AP4E1: variants seen among roughly 807,000 people sequenced by gnomAD.
AP4E1 encodes the protein AP-4 complex subunit epsilon-1.
In AP4E1, 56 loss-of-function variants were observed where a neutral mutation model predicts 128.2. That is an observed-to-expected ratio of 0.44 (90% CI 0.35 to 0.55). The LOEUF is 0.55. Among genes scored for constraint, AP4E1 ranks in the 20% least tolerant of loss-of-function variants. The pLI, the probability that AP4E1 is intolerant of heterozygous loss-of-function variation, is 0.00. For synonymous variants in AP4E1, 484 were observed against 473.1 expected (o/e 1.02, Z -0.30); for missense variants, 1,324 against 1,307.7 (o/e 1.01, Z -0.19).
chr15:50,990,493 T>C (rs909557006), intron 16 of AP4E1, among the ~76,000 whole-genome samples: 4 of 151,684 alleles, frequency 2.6e-5, no homozygotes, highest in African/African-American at 7.3e-5. Context: ...CCTCAGACTT[T>C]GAATGTGGAG....
chr15:50,942,723 ACTTTTT>A (rs2064005110), intron 10 of AP4E1, among the ~76,000 whole-genome samples: 1 of 149,222 alleles, frequency 6.7e-6, no homozygotes, highest in Non-Finnish European at 1.5e-5. Flanking sequence ...CTTCTTTCCA[ACTTTTT>A]CTTTTTGTAA....
chr15:50,984,991 A>C (rs1033386311), intron 16 of AP4E1, among the ~76,000 whole-genome samples: 10 of 152,082 alleles, frequency 6.6e-5, no homozygotes, highest in Non-Finnish European at 1.2e-4. Flanking sequence ...CTTTTTAATG[A>C]TCACCATTCT....
Position 51,003,994 on chromosome 15 carries a change from A to C in AP4E1, c.*1332A>C, listed in dbSNP as rs1388204105. 2.6e-5 allele frequency: 4 copies of C among 152,280 alleles called. No individual in the cohort carries two copies. The highest frequency in any genetic ancestry group is 9.6e-5 in the African/African-American group (4 of 41,472). The allele number at this position is 152,280 out of a possible 1,614,324, so 9.4% of individuals were successfully genotyped here. On this transcript the variant is annotated 3_prime_UTR_variant, in exon 21 of 21. Transcript: ENST00000261842. ...ATTTGTGTCGAGTATTCCTCCCTAA[A>C]AACAAAAGCAGTATTTTCTTTCTCA...
At chr15:50,996,714 A>G (rs2064879699) in intron 17 of AP4E1, among the ~76,000 whole-genome samples, 1 of 152,212 alleles carries the variant, frequency 6.6e-6, no homozygotes. Flanking sequence ...ACCATTCTTC[A>G]GAAAGTTTGG....
At chr15:50,953,369 G>T (rs1264480237) in intron 13 of AP4E1, among the ~76,000 whole-genome samples, 1 of 152,140 alleles carries the variant, frequency 6.6e-6, no homozygotes, top group Non-Finnish European at 1.5e-5. Context: ...TGCAGTTTTA[G>T]TTACCTGTGG....
chr15:50,993,074 G>C (rs969763276), intron 16 of AP4E1, among the ~76,000 whole-genome samples: 1 of 152,176 alleles, frequency 6.6e-6, no homozygotes, highest in East Asian at 1.9e-4. Context: ...CTGATTTACA[G>C]TAGTTCTATT....
intron 16 of AP4E1, among the ~76,000 whole-genome samples, chr15:50,990,072 G>A (rs1270707270): frequency 1.3e-5 from 2 of 151,960 alleles, no homozygotes; most frequent in Non-Finnish European, 2.9e-5. Flanking sequence ...AATTCCTAGA[G>A]CTGAGTTAAA....
chr15:50,913,539 T>C (rs530338411), intron 2 of AP4E1, among the ~76,000 whole-genome samples: 3 of 152,346 alleles, frequency 2.0e-5, no homozygotes, highest in South Asian at 2.1e-4. Context: ...GAGCTGTTCA[T>C]GTAAAGGTTG....
chr15:50,997,287 A>G (rs1206780138), intron 17 of AP4E1, 39 bp from the exon 18 acceptor site: 2 of 1,510,672 alleles, frequency 1.3e-6, no homozygotes, highest in South Asian at 2.6e-5. Context: ...TGACTAGTAG[A>G]ATGATTTCTT....
intron 14 of AP4E1, among the ~76,000 whole-genome samples, chr15:50,961,201 T>C (rs2064308075): frequency 6.6e-6 from 1 of 152,036 alleles, no homozygotes; most frequent in Non-Finnish European, 1.5e-5. Context: ...GCACCAACTC[T>C]TCTTAAACTA....
Position 50,943,665 on chromosome 15 carries a change from T to C in AP4E1, c.1176+1890T>C, listed in dbSNP as rs537348228. Among the ~76,000 whole-genome samples, 5 of 152,288 alleles carry C rather than the reference T, an allele frequency of 3.3e-5. No individual in the cohort carries two copies. In the East Asian group the frequency reaches 9.6e-4, roughly 29 times the overall value. ...GTTTTTTCTTATTGCTATTTGGTAG[T>C]CCCCACTTATTTATGGAAGTATGTT... On this transcript the variant is annotated intron_variant, in intron 10 of 20. Transcript: ENST00000261842.
chr15:50,958,288 C>T (rs1344595738), intron 13 of AP4E1, among the ~76,000 whole-genome samples: 2 of 152,106 alleles, frequency 1.3e-5, no homozygotes, highest in Non-Finnish European at 2.9e-5. Flanking sequence ...TTGTTAATGA[C>T]AATGATGGGG....
intron 17 of AP4E1, among the ~76,000 whole-genome samples, chr15:50,996,716 A>G (rs1214859721): frequency 6.6e-6 from 1 of 152,202 alleles, no homozygotes; most frequent in Non-Finnish European, 1.5e-5. Flanking sequence ...CATTCTTCAG[A>G]AAGTTTGGAC....
At chr15:51,002,469 A>C in intron 20 of AP4E1, 33 bp from the exon 21 acceptor site, 1 of 1,611,604 alleles carries the variant, frequency 6.2e-7, no homozygotes, top group South Asian at 1.1e-5. Flanking sequence ...CTCCTTTTGC[A>C]TTAAATCATT....
chr15:50,962,889 C>CAAAAAAAAAAAAAAAAAAAAAAAA lies in AP4E1; in HGVS notation c.1851+4099_1851+4122dup, dbSNP rs71127168. On this transcript the variant is annotated intron_variant, in intron 14 of 20. Coordinates refer to ENST00000261842, the MANE Select transcript of AP4E1 (RefSeq NM_007347.5). ...ATATATAAGGAACTCAATTCAACAG[C>CAAAAAAAAAAAAAAAAAAAAAAAA]AAAAAAAAAAAAAAAAAAAAAAAAA... is the stretch of plus-strand genomic sequence containing the variant. 3.1e-4 allele frequency among the ~76,000 whole-genome samples: 12 copies of CAAAAAAAAAAAAAAAAAAAAAAAA among 38,718 alleles called. 1 individual carries two copies. The highest frequency in any genetic ancestry group is 1.3e-3 in the African/African-American group (11 of 8,728). The allele number at this position is 38,718 out of a possible 152,430, so 25.4% of individuals were successfully genotyped here. A position where few individuals can be genotyped will look rare whatever the true frequency, so the allele number is the denominator to read the frequency against.
At chr15:50,972,840 T>TG (rs1270239191) in intron 15 of AP4E1, among the ~76,000 whole-genome samples, 1 of 152,104 alleles carries the variant, frequency 6.6e-6, no homozygotes, top group Admixed American at 6.5e-5. Flanking sequence ...GCCTTGGGGA[T>TG]GGGGGGCATG....
At chr15:50,912,254 C>A (rs2063574767) in intron 2 of AP4E1, 105 bp downstream of exon 2, 4 of 1,057,802 alleles carry the variant, frequency 3.8e-6, no homozygotes, top group Non-Finnish European at 5.9e-6. Flanking sequence ...TTTGATTTAT[C>A]ATAGTCAAAA....
At chr15:50,989,381 A>G (rs1224664064) in intron 16 of AP4E1, among the ~76,000 whole-genome samples, 2 of 152,146 alleles carry the variant, frequency 1.3e-5, no homozygotes, top group South Asian at 2.1e-4. Flanking sequence ...CTGTTGTTCA[A>G]TGAAATGGTT....
chr15:50,955,842 C>A (rs183935213), intron 13 of AP4E1, among the ~76,000 whole-genome samples: 1 of 152,300 alleles, frequency 6.6e-6, no homozygotes, highest in African/African-American at 2.4e-5. Context: ...GTACCTCTTG[C>A]AGCCTGGTGA....
Sources: gnomAD v4.1 joint callset for allele counts (sites outside exome capture counted in the v4.1 genomes callset) on GRCh38, gnomAD v4.1.1 for gene constraint, MANE v1.5 for transcripts, NCBI Gene and HGNC (gene_info 2026-07-23, HGNC 2026-07-21) for gene names.